SYDE2: variants seen among roughly 807,000 people sequenced by gnomAD.
SYDE2 encodes rho GTPase-activating protein SYDE2.
In SYDE2, 76 loss-of-function variants were observed where a neutral mutation model predicts 91.5. That is an observed-to-expected ratio of 0.83 (90% CI 0.69 to 1.01). The LOEUF (loss-of-function observed/expected upper bound fraction) is 1.01. Among genes scored for constraint, SYDE2 ranks in the 50% least tolerant of loss-of-function variants. The pLI is 0.00. For missense variants in SYDE2, 1,364 were observed against 1,367.7 expected (o/e 1.00, Z 0.04); for synonymous variants, 513 against 506.4 (o/e 1.01, Z -0.18).
chr1:85,159,826 G>C (rs1303000811), intron 6 of SYDE2: 2 of 977,398 alleles, frequency 2.0e-6, no homozygotes, highest in South Asian at 9.5e-5. Flanking sequence ...TTTGTTACCT[G>C]AGTTTGATTA....
chr1:85,174,488 A>G (rs985770915), intron 4 of SYDE2, among the ~76,000 whole-genome samples: 1 of 152,232 alleles, frequency 6.6e-6, no homozygotes, highest in Non-Finnish European at 1.5e-5. Flanking sequence ...AAGACTGAAT[A>G]TGCACATATA....
chr1:85,190,516 G>C lies in SYDE2; in HGVS notation c.982C>G (p.Gln328Glu), dbSNP rs746170571. The C allele has an allele frequency of 6.6e-5, 107 of 1,613,856 alleles. No homozygotes were observed. Among genetic ancestry groups the C allele is most frequent in the Non-Finnish European group, 1.0e-5 (12 of 1,179,864 alleles). The part of the protein sequence containing the change: ...PVSLPKHQLS[Q>E]SFLKSSKEYC... ...TCTTTAGATGATTTGAGGAAAGACT[G>C]TGATAGCTGATGTTTAGGTAGAGAC... Residue 328 changes from glutamine (Q) to glutamate (E), a missense_variant, in exon 2 of 7, where the codon CAG (glutamine) becomes GAG (glutamate). Transcript: ENST00000341460.
Position 85,182,947 on chromosome 1 carries a change from G to T in SYDE2, c.1695C>A (p.Asn565Lys). 6.2e-7 allele frequency: 1 copy of T among 1,613,834 alleles called. No homozygotes were observed. Among genetic ancestry groups the T allele is most frequent in the Non-Finnish European group, 8.5e-7 (1 of 1,179,774 alleles). ...TATCAGTATGATGAACTTCTCGGCA[G>T]TTATATTTAGACAAAGAAGGAGTAT... Reference protein sequence around the residue: ...PDNTPSLSKYNCREVHHTDIL... With the variant: ...PDNTPSLSKYKCREVHHTDIL... The change falls in exon 3 of 7, where the codon AAC becomes AAA. Residue 565 changes from asparagine to lysine, a missense_variant. Physicochemically the swap from Asn to Lys is moderately conservative, Grantham distance 94 (BLOSUM62 0). Coordinates refer to ENST00000341460, the MANE Select transcript of SYDE2 (RefSeq NM_032184.2).
downstream of SYDE2, among the ~76,000 whole-genome samples, chr1:85,155,423 G>A (rs1023453029): frequency 3.9e-5 from 6 of 152,050 alleles, no homozygotes; most frequent in African/African-American, 1.4e-4. Flanking sequence ...AGGATCGCTT[G>A]AGCCTACAAA....
intron 1 of SYDE2, among the ~76,000 whole-genome samples, chr1:85,196,425 A>C (rs1184454628): frequency 6.6e-6 from 1 of 152,182 alleles, no homozygotes; most frequent in Non-Finnish European, 1.5e-5. Flanking sequence ...ACATTGAACC[A>C]CATTTTGAGT....
At chr1:85,171,147 G>A (rs1657492941) in intron 4 of SYDE2, among the ~76,000 whole-genome samples, 2 of 152,144 alleles carry the variant, frequency 1.3e-5, no homozygotes, top group South Asian at 4.2e-4. Context: ...GGTATCTATG[G>A]GGCATTCAAG....
chr1:85,184,534 T>C (rs1210347788), intron 2 of SYDE2, among the ~76,000 whole-genome samples: 1 of 151,952 alleles, frequency 6.6e-6, no homozygotes, highest in Non-Finnish European at 1.5e-5. Flanking sequence ...AAGATGAAGA[T>C]ACCAAGTAAA....
chr1:85,168,379 T>C (rs1657373407), intron 5 of SYDE2, among the ~76,000 whole-genome samples: 1 of 152,194 alleles, frequency 6.6e-6, no homozygotes, highest in Non-Finnish European at 1.5e-5. Flanking sequence ...TGATAAAAAA[T>C]GTAGGCAAAT....
intron 6 of SYDE2, among the ~76,000 whole-genome samples, chr1:85,161,782 T>C (rs562585996): frequency 5.3e-5 from 8 of 151,604 alleles, no homozygotes; most frequent in Non-Finnish European, 8.8e-5. Flanking sequence ...GGAATTATAC[T>C]CTCTCTAAAT....
intron 2 of SYDE2, among the ~76,000 whole-genome samples, chr1:85,185,791 T>C (rs1250721085): frequency 2.6e-5 from 4 of 151,842 alleles, no homozygotes; most frequent in Non-Finnish European, 5.9e-5. Context: ...TACCCTTTAT[T>C]TCCTTCTCCT....
At chr1:85,194,687 A>C in intron 1 of SYDE2, 1 of 328,140 alleles carries the variant, frequency 3.0e-6, no homozygotes, top group Non-Finnish European at 4.4e-6. Flanking sequence ...AATGGCAATT[A>C]AAAGTTTTTC....
Position 85,200,572 on chromosome 1 carries a change from A to AGGCCGGT in SYDE2, c.418_424dup (p.Leu142HisfsTer94), listed in dbSNP as rs776316229. On this transcript the variant is annotated frameshift_variant, in exon 1 of 7. Coordinates refer to ENST00000341460, the MANE Select transcript of SYDE2 (RefSeq NM_032184.2). LOFTEE classifies it high-confidence loss of function. ...GTGGTCCTTGCAGCCTGGAGGCTGG[A>AGGCCGGT]GGCCGGTGGGTGCAGCCGCCCGGGC... is the stretch of plus-strand genomic sequence containing the variant. 1.3e-6 allele frequency: 2 copies of AGGCCGGT among 1,598,828 alleles called. No individual in the cohort carries two copies. Among genetic ancestry groups the AGGCCGGT allele is most frequent in the Admixed American group, 3.5e-5 (2 of 57,446 alleles).
At chr1:85,169,916 G>A (rs1657439188) in intron 4 of SYDE2, among the ~76,000 whole-genome samples, 1 of 152,024 alleles carries the variant, frequency 6.6e-6, no homozygotes, top group South Asian at 2.1e-4. Flanking sequence ...TTATAGTAGA[G>A]GAAACTGGAA....
Position 85,182,904 on chromosome 1 carries a change from T to C in SYDE2, c.1738A>G (p.Thr580Ala). The change falls in exon 3 of 7, where the codon ACA becomes GCA. Residue 580 changes from threonine (T) to alanine (A), a missense_variant. Thr to Ala is a moderately conservative substitution (Grantham distance 58). Transcript: ENST00000341460. ...HHTDILPSGN[T>A]TTAAKRNVIS... is the part of the protein sequence containing the mutation. Reference sequence around the variant, plus strand: ...ACATTCCTCTTAGCAGCGGTGGTTGTGTTCCCAGAGGGCAGAATATCAGTA... The same window carrying C: ...ACATTCCTCTTAGCAGCGGTGGTTGCGTTCCCAGAGGGCAGAATATCAGTA... 1 of 1,613,786 alleles carries C rather than the reference T, an allele frequency of 6.2e-7. No homozygotes were observed. Among genetic ancestry groups the C allele is most frequent in the Non-Finnish European group, 8.5e-7 (1 of 1,179,788 alleles).
At chr1:85,155,045 AAAAG>A (rs1438252947), downstream of SYDE2, among the ~76,000 whole-genome samples, 47 of 149,192 alleles carry the variant, frequency 3.2e-4, no homozygotes, top group Non-Finnish European at 1.3e-4. Flanking sequence ...AAGAAAAAAG[AAAAG>A]AAAGAAAAGA....
In SYDE2 at chr1:85,200,491, C is replaced by T. The variant is rs777166279; in HGVS notation, c.506G>A (p.Ser169Asn). The T allele has an allele frequency of 5.0e-6, 8 of 1,613,750 alleles. No homozygotes were observed. The African/African-American group carries it at 6.7e-5, about 13-fold the overall frequency. The change falls in exon 1 of 7, where the codon AGT becomes AAT. Residue 169 changes from serine (S) to asparagine (N), a missense_variant. Physicochemically the swap from Ser to Asn is conservative, Grantham distance 46. Coordinates refer to ENST00000341460, the MANE Select transcript of SYDE2 (RefSeq NM_032184.2). ...RDPAGSSVIR[S>N]GKGDRQEGPS... ...GCCTTCCTGGCGGTCTCCTTTGCCACTGCGTATCACAGAGGACCCCGCTGG... is the reference window on the plus strand; with the variant it reads ...GCCTTCCTGGCGGTCTCCTTTGCCATTGCGTATCACAGAGGACCCCGCTGG...
At chr1:85,172,299 G>T (rs1218576678) in intron 4 of SYDE2, among the ~76,000 whole-genome samples, 1 of 152,138 alleles carries the variant, frequency 6.6e-6, no homozygotes, top group African/African-American at 2.4e-5. Flanking sequence ...TGGGTGAAAT[G>T]AGGTTTGAGG....
chr1:85,162,183 A>G (rs1205234121), intron 6 of SYDE2, among the ~76,000 whole-genome samples: 1 of 152,252 alleles, frequency 6.6e-6, no homozygotes, highest in East Asian at 1.9e-4. Flanking sequence ...GAAACAAAAC[A>G]AAAAGTTTAG....
chr1:85,168,722 T>C (rs1488181574), intron 5 of SYDE2, among the ~76,000 whole-genome samples: 3 of 152,240 alleles, frequency 2.0e-5, no homozygotes, highest in Non-Finnish European at 2.9e-5. Flanking sequence ...TGCAATTTTA[T>C]ATTCTTCTTT....
Sources: gnomAD v4.1 joint callset for allele counts (sites outside exome capture counted in the v4.1 genomes callset) on GRCh38, gnomAD v4.1.1 for gene constraint, MANE v1.5 for transcripts, NCBI Gene and HGNC (gene_info 2026-07-23, HGNC 2026-07-21) for gene names.